The following SCFD2 variants were observed in gnomAD, a reference collection of about 807,000 sequenced individuals.
The protein encoded by SCFD2 is sec1 family domain-containing protein 2.
In SCFD2, 54 loss-of-function variants were observed where a neutral mutation model predicts 58.9. The ratio of observed to expected loss-of-function variants is 0.92; its 90% CI spans 0.74 to 1.15. The LOEUF (loss-of-function observed/expected upper bound fraction) is 1.15. SCFD2 is among the 50% of genes most tolerant of loss of function. SCFD2 has a pLI of 0.00. For missense variants in SCFD2, 805 were observed against 836.6 expected (o/e 0.96, Z 0.47); for synonymous variants, 321 against 335.9 (o/e 0.96, Z 0.49).
At chr4:53,007,327 AGAGAGAGG>A (rs1194121971) in intron 5 of SCFD2, among the ~76,000 whole-genome samples, 42 of 132,634 alleles carry the variant, frequency 3.2e-4, no homozygotes, top group South Asian at 5.5e-4. Flanking sequence ...AGAGAGAGAG[AGAGAGAGG>A]GAGAGAGAGA....
intron 3 of SCFD2, among the ~76,000 whole-genome samples, chr4:53,309,827 G>A (rs1355218409): frequency 6.6e-6 from 1 of 152,168 alleles, no homozygotes; most frequent in Non-Finnish European, 1.5e-5. Flanking sequence ...CATAGGCAGA[G>A]ACTGTAACTA....
intron 5 of SCFD2, among the ~76,000 whole-genome samples, chr4:53,053,553 C>A (rs895935792): frequency 6.6e-6 from 1 of 152,104 alleles, no homozygotes; most frequent in Admixed American, 6.5e-5. Context: ...CAATCAGATG[C>A]CCTCATCTCA....
chr4:52,944,474 A>G (rs553538135), intron 5 of SCFD2, among the ~76,000 whole-genome samples: 1 of 152,226 alleles, frequency 6.6e-6, no homozygotes, highest in Non-Finnish European at 1.5e-5. Flanking sequence ...ACAGAAAAAG[A>G]TAATAGCTAA....
rs1732015466 is a variant in SCFD2, at chr4:53,295,994, A to T, written c.1135+17642T>A. On this transcript the variant is annotated intron_variant, in intron 3 of 8. Coordinates refer to ENST00000401642, the MANE Select transcript of SCFD2 (RefSeq NM_152540.4). ...GTATTCCTGGGATGAAGCTGGCTTG[A>T]TCATGGTGGATAAGCTTTTTGACAT... Among the ~76,000 whole-genome samples the T allele has an allele frequency of 1.3e-5, 2 of 152,186 alleles. 1 individual carries two copies. The highest frequency in any genetic ancestry group is 4.1e-4 in the South Asian group (2 of 4,832).
intron 4 of SCFD2, among the ~76,000 whole-genome samples, chr4:53,239,203 A>C (rs1297310588): frequency 6.6e-6 from 1 of 151,704 alleles, no homozygotes; most frequent in Non-Finnish European, 1.5e-5. Flanking sequence ...CACCAAAACC[A>C]GTCAGGCGTG....
chr4:52,982,017 C>T (rs1262914538), intron 5 of SCFD2, among the ~76,000 whole-genome samples: 4 of 152,048 alleles, frequency 2.6e-5, no homozygotes, highest in South Asian at 2.1e-4. Flanking sequence ...AGAGGACTTA[C>T]GGACAGTAAG....
At chr4:53,104,347 C>A (rs1419768964) in intron 5 of SCFD2, among the ~76,000 whole-genome samples, 1 of 152,160 alleles carries the variant, frequency 6.6e-6, no homozygotes, top group East Asian at 1.9e-4. Flanking sequence ...AGAAAAACAT[C>A]AGACTCATCC....
At chr4:53,136,789 C>T (rs1453873291) in intron 5 of SCFD2, among the ~76,000 whole-genome samples, 5 of 152,168 alleles carry the variant, frequency 3.3e-5, no homozygotes, top group Admixed American at 6.5e-5. Flanking sequence ...CTCAGAGCCT[C>T]TACATTCTAT....
intron 4 of SCFD2, among the ~76,000 whole-genome samples, chr4:53,247,396 C>A (rs1463859899): frequency 1.3e-5 from 2 of 152,004 alleles, no homozygotes; most frequent in African/African-American, 4.8e-5. Context: ...TAGGTATGTA[C>A]CCAAAAAAAT....
intron 4 of SCFD2, among the ~76,000 whole-genome samples, chr4:53,250,534 A>G (rs1730324260): frequency 1.3e-5 from 2 of 152,194 alleles, no homozygotes; most frequent in African/African-American, 4.8e-5. Flanking sequence ...CAGAAATTAT[A>G]ACAAACTGTC....
intron 7 of SCFD2, among the ~76,000 whole-genome samples, chr4:52,890,619 T>C (rs1431582942): frequency 2.0e-5 from 3 of 152,254 alleles, no homozygotes; most frequent in Non-Finnish European, 4.4e-5. Context: ...GCATAACTAC[T>C]GCAATTGCAA....
At chr4:53,296,511 A>T (rs1411751506) in intron 3 of SCFD2, among the ~76,000 whole-genome samples, 4 of 151,976 alleles carry the variant, frequency 2.6e-5, no homozygotes, top group Admixed American at 1.3e-4. Flanking sequence ...TATGGTATCT[A>T]TTTGATTCTT....
In SCFD2 at chr4:53,256,257, C is replaced by T. The variant is rs370887746; in HGVS notation, c.1311+17569G>A. ...CTCCTCACTTCTCAGACGGGGCAGC[C>T]GGGCAGAGGCGCTCCTCACATCCCA... On this transcript the variant is annotated intron_variant, in intron 4 of 8. Transcript: ENST00000401642. Among the ~76,000 whole-genome samples the T allele has an allele frequency of 2.0e-4, 25 of 122,478 alleles. 1 individual carries two copies. The South Asian group carries it at 3.0e-3, about 15-fold the overall frequency. The allele number at this position is 122,478 out of a possible 152,430, so 80.4% of individuals were successfully genotyped here. A position where few individuals can be genotyped will look rare whatever the true frequency, so the allele number is the denominator to read the frequency against.
chr4:53,236,983 G>GCGGC (rs1729643424), intron 4 of SCFD2, among the ~76,000 whole-genome samples: 1 of 150,852 alleles, frequency 6.6e-6, no homozygotes, highest in African/African-American at 2.4e-5. Flanking sequence ...AGAGGACCCT[G>GCGGC]CGGCCTTCCG....
At chr4:52,887,354 G>A (rs1718763479) in intron 7 of SCFD2, among the ~76,000 whole-genome samples, 1 of 152,032 alleles carries the variant, frequency 6.6e-6, no homozygotes, top group Admixed American at 6.5e-5. Context: ...TCATCAACGA[G>A]GCAAAAATAT....
At chr4:52,954,928 C>A (rs566312740) in intron 5 of SCFD2, among the ~76,000 whole-genome samples, 1 of 152,274 alleles carries the variant, frequency 6.6e-6, no homozygotes, top group South Asian at 2.1e-4. Context: ...TCATCTGTTG[C>A]TTTTCCTCCC....
intron 4 of SCFD2, among the ~76,000 whole-genome samples, chr4:53,202,506 C>A (rs1243052684): frequency 2.0e-5 from 3 of 150,726 alleles, no homozygotes; most frequent in Non-Finnish European, 3.0e-5. Flanking sequence ...CTTGGCAATG[C>A]AGGCTCTTTT....
At chr4:53,308,828 G>T (rs1333585900) in intron 3 of SCFD2, among the ~76,000 whole-genome samples, 1 of 152,020 alleles carries the variant, frequency 6.6e-6, no homozygotes, top group East Asian at 1.9e-4. Context: ...TCTTATCTGG[G>T]GCTTTATTAA....
intron 7 of SCFD2, among the ~76,000 whole-genome samples, chr4:52,903,530 C>T (rs1577814098): frequency 6.6e-6 from 1 of 152,184 alleles, no homozygotes; most frequent in African/African-American, 2.4e-5. Context: ...AAAACAGGTC[C>T]AGCCTAACCA....
Sources: gnomAD v4.1 joint callset for allele counts (sites outside exome capture counted in the v4.1 genomes callset) on GRCh38, gnomAD v4.1.1 for gene constraint, MANE v1.5 for transcripts, NCBI Gene and HGNC (gene_info 2026-07-23, HGNC 2026-07-21) for gene names.